The following RPTOR variants were observed in gnomAD, a reference collection of about 807,000 sequenced individuals.
The protein encoded by RPTOR is regulatory-associated protein of mTOR.
Under a neutral mutation model 169.9 loss-of-function variants are expected in RPTOR, and 21 were observed. That is an observed-to-expected ratio of 0.12 (90% CI 0.09 to 0.18). The LOEUF is 0.18. RPTOR is among the 10% of genes least tolerant of loss of function. The probability of loss-of-function intolerance (pLI) is 1.00; values close to 1 mark genes in which losing one functional copy is unlikely to be tolerated. For missense variants in RPTOR, 1,133 were observed against 1,855.9 expected (o/e 0.61, Z 7.16); for synonymous variants, 732 against 753.2 (o/e 0.97, Z 0.46).
intron 9 of RPTOR, among the ~76,000 whole-genome samples, chr17:80,836,716 C>T (rs2067568257): frequency 1.3e-5 from 2 of 151,908 alleles, no homozygotes; most frequent in African/African-American, 2.4e-5. Flanking sequence ...AGGGAGGTGC[C>T]GGCAGAGGGG....
chr17:80,664,754 C>T (rs1398684474), intron 3 of RPTOR, among the ~76,000 whole-genome samples: 5 of 151,932 alleles, frequency 3.3e-5, no homozygotes, highest in African/African-American at 1.2e-4. Context: ...GGAGATGGGC[C>T]GTTTATTACA....
In RPTOR at chr17:80,615,612, C is replaced by G. The variant is rs146821299; in HGVS notation, c.163-10079C>G. Among the ~76,000 whole-genome samples the G allele has an allele frequency of 5.3e-5, 8 of 152,282 alleles. No individual in the cohort carries two copies. In the East Asian group the frequency reaches 1.4e-3, roughly 26 times the overall value. On this transcript the variant is annotated intron_variant, in intron 1 of 33. Coordinates refer to ENST00000306801, the MANE Select transcript of RPTOR (RefSeq NM_020761.3). Reference sequence around the variant, plus strand: ...TTTGATTCACCCATGCCTTTCATCTCTGATACCCACTTAGCAGCACATGCT... The same window carrying G: ...TTTGATTCACCCATGCCTTTCATCTGTGATACCCACTTAGCAGCACATGCT...
rs3042650 is a variant in RPTOR at position 80,893,395 on chromosome 17, G to GGTGTGTGT, written c.2243-303_2243-296dup. On this transcript the variant is annotated intron_variant, in intron 19 of 33. Coordinates refer to ENST00000306801, the MANE Select transcript of RPTOR (RefSeq NM_020761.3). ...GTGCACAAGGGTGTGTGCATGCCAG[G>GGTGTGTGT]GTGTGTGTGTGTGTGTACAAGGGTG... Among the ~76,000 whole-genome samples the GGTGTGTGT allele has an allele frequency of 6.2e-3, 866 of 139,206 alleles. 4 individuals carry two copies. The highest frequency in any genetic ancestry group is 1.0e-2 in the African/African-American group (354 of 35,494). 91.3% of individuals were successfully genotyped at this position (139,206 alleles called of 152,430 possible).
chr17:80,921,672 G>A (rs1220403268), intron 21 of RPTOR, among the ~76,000 whole-genome samples: 1 of 152,340 alleles, frequency 6.6e-6, no homozygotes, highest in African/African-American at 2.4e-5. Context: ...AAGCCCTGCA[G>A]GTGTCTGTGG....
chr17:80,901,518 A>G (rs1434230387), intron 20 of RPTOR, among the ~76,000 whole-genome samples: 2 of 152,146 alleles, frequency 1.3e-5, no homozygotes, highest in Admixed American at 1.3e-4. Flanking sequence ...AGCCAGCCTC[A>G]TTCATATTCA....
At chr17:80,582,460 C>T (rs892341144) in intron 1 of RPTOR, among the ~76,000 whole-genome samples, 14 of 151,762 alleles carry the variant, frequency 9.2e-5, no homozygotes, top group African/African-American at 2.7e-4. Context: ...CTGAGCTGCA[C>T]GGCCCTCTCT....
intron 11 of RPTOR, among the ~76,000 whole-genome samples, chr17:80,851,946 GC>G (rs1229464623): frequency 1.3e-5 from 2 of 152,222 alleles, no homozygotes; most frequent in Non-Finnish European, 2.9e-5. Flanking sequence ...ATCTTTGTAA[GC>G]TTTAGATCTG....
In RPTOR at chr17:80,798,414, G is replaced by A. The variant is rs147621673; in HGVS notation, c.890+6905G>A. 4.5e-4 allele frequency among the ~76,000 whole-genome samples: 68 copies of A among 152,292 alleles called. No homozygotes were observed. In the East Asian group the frequency reaches 0.011, roughly 26 times the overall value. ...CATGCACAAAACCTTTTGAGTTTTT[G>A]TATGTTTTTTTCAACACTTTCCTAA... On this transcript the variant is annotated intron_variant, in intron 7 of 33. Coordinates refer to ENST00000306801, the MANE Select transcript of RPTOR (RefSeq NM_020761.3).
At chr17:80,568,982 C>T (rs1180535406) in intron 1 of RPTOR, among the ~76,000 whole-genome samples, 3 of 152,148 alleles carry the variant, frequency 2.0e-5, no homozygotes, top group African/African-American at 4.8e-5. Context: ...GCTCTTAAGC[C>T]AACTCATCCG....
intron 30 of RPTOR, 83 bp from the exon 31 acceptor site, chr17:80,961,311 C>T: frequency 7.4e-7 from 1 of 1,344,778 alleles, no homozygotes; most frequent in Non-Finnish European, 1.0e-6. Context: ...ACAGGCAGAC[C>T]TGGGCAGCTC....
intron 3 of RPTOR, among the ~76,000 whole-genome samples, chr17:80,691,740 T>C (rs1389192071): frequency 6.6e-6 from 1 of 152,140 alleles, no homozygotes; most frequent in Non-Finnish European, 1.5e-5. Flanking sequence ...CCATGGGAAG[T>C]GGTATGGAGA....
At chr17:80,678,897 C>T (rs988910875) in intron 3 of RPTOR, among the ~76,000 whole-genome samples, 2 of 152,148 alleles carry the variant, frequency 1.3e-5, no homozygotes, top group African/African-American at 4.8e-5. Flanking sequence ...TGTCCATGCC[C>T]GACAAGCCAG....
intron 31 of RPTOR, 107 bp downstream of exon 31, chr17:80,961,587 C>A: frequency 7.9e-7 from 1 of 1,260,362 alleles, no homozygotes; most frequent in Non-Finnish European, 1.1e-6. Flanking sequence ...GATGGCATTT[C>A]GGGCAGTAAT....
At chr17:80,684,643 C>T (rs907754050) in intron 3 of RPTOR, among the ~76,000 whole-genome samples, 2 of 151,972 alleles carry the variant, frequency 1.3e-5, no homozygotes, top group Non-Finnish European at 2.9e-5. Context: ...GATGGGGTTT[C>T]ACCGTGTTAG....
intron 1 of RPTOR, among the ~76,000 whole-genome samples, chr17:80,554,841 A>G (rs1226102183): frequency 6.6e-6 from 1 of 152,204 alleles, no homozygotes; most frequent in African/African-American, 2.4e-5. Context: ...GAGATTTGCA[A>G]AAATCTAAAA....
In RPTOR at chr17:80,911,581, T is replaced by C. The variant is rs567058487; in HGVS notation, c.2520+2652T>C. On this transcript the variant is annotated intron_variant, in intron 21 of 33. Transcript: ENST00000306801. ...AGACGATCACTTGAGCCCAGGTGTTTTGAGACCAGCCTGGGAAACATAGTG... is the reference window on the plus strand; with the variant it reads ...AGACGATCACTTGAGCCCAGGTGTTCTGAGACCAGCCTGGGAAACATAGTG... 8.5e-5 allele frequency among the ~76,000 whole-genome samples: 13 copies of C among 152,214 alleles called. No individual in the cohort carries two copies. In the South Asian group the frequency reaches 2.3e-3, roughly 27 times the overall value.
chr17:80,793,637 C>T (rs549702061), intron 7 of RPTOR, among the ~76,000 whole-genome samples: 4 of 152,190 alleles, frequency 2.6e-5, no homozygotes, highest in Admixed American at 2.6e-4. Flanking sequence ...TCACCTGTGT[C>T]TGTGGCTACT....
At chr17:80,894,806 C>T (rs2068377742) in intron 20 of RPTOR, among the ~76,000 whole-genome samples, 2 of 152,090 alleles carry the variant, frequency 1.3e-5, no homozygotes, top group South Asian at 2.1e-4. Flanking sequence ...TAAGGAATTA[C>T]AGAGGTCGAG....
chr17:80,720,745 C>T (rs567299931), intron 4 of RPTOR, among the ~76,000 whole-genome samples: 6 of 152,306 alleles, frequency 3.9e-5, no homozygotes, highest in African/African-American at 1.4e-4. Flanking sequence ...TGCAGGCTCA[C>T]GGAGCCACAG....
Sources: allele counts gnomAD v4.1 joint callset (sites outside exome capture counted in the v4.1 genomes callset), GRCh38; gene constraint gnomAD v4.1.1; transcripts MANE v1.5; gene names NCBI Gene and HGNC (gene_info 2026-07-23, HGNC 2026-07-21).